The following FRMD5 variants were observed in gnomAD, a reference collection of about 807,000 sequenced individuals.
The protein encoded by FRMD5 is FERM domain-containing protein 5.
FRMD5 carries 20 observed loss-of-function variants against 69.0 expected under a neutral mutation model. That is an observed-to-expected ratio of 0.29 (90% CI 0.20 to 0.42). The LOEUF (loss-of-function observed/expected upper bound fraction) is 0.42. FRMD5 is among the 10% of genes least tolerant of loss of function. The pLI, the probability that FRMD5 is intolerant of heterozygous loss-of-function variation, is 1.00. For synonymous variants in FRMD5, 271 were observed against 260.1 expected, an observed-to-expected ratio of 1.04 and a Z score of -0.40; for missense variants, 595 against 708.6, an observed-to-expected ratio of 0.84 and a Z score of 1.82.
chr15:44,025,879 C>T (rs564621027), intron 1 of FRMD5, among the ~76,000 whole-genome samples: 3 of 152,140 alleles, frequency 2.0e-5, no homozygotes, highest in Admixed American at 6.5e-5. Context: ...AGTTCTGAAA[C>T]CTGATCCAGG....
intron 1 of FRMD5, among the ~76,000 whole-genome samples, chr15:44,127,420 G>C (rs1276189786): frequency 6.6e-6 from 1 of 152,122 alleles, no homozygotes; most frequent in Non-Finnish European, 1.5e-5. Flanking sequence ...TGTGAAGGTA[G>C]TAAGAGACTT....
chr15:43,962,964 C>T (rs893158094), intron 1 of FRMD5, among the ~76,000 whole-genome samples: 3 of 152,290 alleles, frequency 2.0e-5, no homozygotes, highest in South Asian at 2.1e-4. Flanking sequence ...TAGAAGAAAA[C>T]GTAGGCAATA....
At chr15:43,895,997 C>G (rs1274433100) in intron 7 of FRMD5, among the ~76,000 whole-genome samples, 1 of 152,186 alleles carries the variant, frequency 6.6e-6, no homozygotes, top group Non-Finnish European at 1.5e-5. Flanking sequence ...AGTGAAGAGT[C>G]AACAGTCACC....
chr15:43,907,832 G>A (rs1355787233), intron 5 of FRMD5, among the ~76,000 whole-genome samples: 1 of 151,994 alleles, frequency 6.6e-6, no homozygotes, highest in African/African-American at 2.4e-5. Context: ...TGTAGAGATG[G>A]GGTTTCACTC....
intron 1 of FRMD5, among the ~76,000 whole-genome samples, chr15:44,015,357 G>A (rs1459549988): frequency 2.0e-5 from 3 of 151,988 alleles, no homozygotes; most frequent in African/African-American, 7.3e-5. Context: ...GCCCAGATGG[G>A]TCTCAAACTC....
At chr15:43,960,801 G>GA (rs1252911424) in intron 1 of FRMD5, among the ~76,000 whole-genome samples, 6 of 152,186 alleles carry the variant, frequency 3.9e-5, no homozygotes, top group Non-Finnish European at 8.8e-5. Context: ...ATGAGCAGTA[G>GA]AAAAACAAAT....
At chr15:44,016,839 A>ATTT (rs35670937) in intron 1 of FRMD5, among the ~76,000 whole-genome samples, 4 of 147,434 alleles carry the variant, frequency 2.7e-5, no homozygotes, top group Admixed American at 6.8e-5. Context: ...AGTTCACATA[A>ATTT]TTTTTTTTTT....
At chr15:44,155,555 T>A (rs1371428361) in intron 1 of FRMD5, among the ~76,000 whole-genome samples, 1 of 152,196 alleles carries the variant, frequency 6.6e-6, no homozygotes, top group Non-Finnish European at 1.5e-5. Flanking sequence ...AAAAAAGGGT[T>A]GAATTCTTTT....
chr15:43,884,141 A>T (rs2088604860), intron 12 of FRMD5, among the ~76,000 whole-genome samples: 1 of 152,146 alleles, frequency 6.6e-6, no homozygotes, highest in Admixed American at 6.5e-5. Context: ...GCCTGGACCA[A>T]TACTGGCAGC....
intron 1 of FRMD5, among the ~76,000 whole-genome samples, chr15:43,974,115 A>T (rs1235129962): frequency 6.6e-6 from 1 of 152,022 alleles, no homozygotes; most frequent in African/African-American, 2.4e-5. Flanking sequence ...CAGAGTGCTA[A>T]GTGGAACAGT....
At chr15:44,059,587 T>A (rs1334487143) in intron 1 of FRMD5, among the ~76,000 whole-genome samples, 1 of 152,124 alleles carries the variant, frequency 6.6e-6, no homozygotes, top group Non-Finnish European at 1.5e-5. Flanking sequence ...TCTTGGCTCA[T>A]TGCAACCTCT....
intron 1 of FRMD5, among the ~76,000 whole-genome samples, chr15:44,167,961 G>A (rs964328501): frequency 1.3e-5 from 2 of 152,124 alleles, no homozygotes; most frequent in African/African-American, 2.4e-5. Flanking sequence ...GCAGAACATC[G>A]CTCCTATTTG....
At chr15:43,903,058 C>T (rs541881360) in intron 6 of FRMD5, among the ~76,000 whole-genome samples, 64 of 152,348 alleles carry the variant, frequency 4.2e-4, no homozygotes, top group African/African-American at 1.5e-3. Context: ...AGATCAGCTC[C>T]GGCTCCAGGC....
intron 1 of FRMD5, among the ~76,000 whole-genome samples, chr15:43,978,532 G>C (rs961107963): frequency 6.6e-6 from 1 of 152,122 alleles, no homozygotes; most frequent in Admixed American, 6.5e-5. Flanking sequence ...TGATTAAGAC[G>C]TACATTTGGT....
chr15:44,162,867 C>CAA lies in FRMD5; in HGVS notation c.102+32084_102+32085dup, dbSNP rs371915126. On this transcript the variant is annotated intron_variant, in intron 1 of 13. Transcript: ENST00000417257. ...GGGCAACGAGAGCGAAACTCCGTCTCAAAAAAAAAAAAAAAAAAAAAACAA... is the reference window on the plus strand; with the variant it reads ...GGGCAACGAGAGCGAAACTCCGTCTCAAAAAAAAAAAAAAAAAAAAAAAACAA... 4.1e-3 allele frequency among the ~76,000 whole-genome samples: 150 copies of CAA among 36,930 alleles called. 2 individuals are homozygous for CAA. The highest frequency in any genetic ancestry group is 9.2e-3 in the African/African-American group (91 of 9,850). 24.2% of individuals were successfully genotyped at this position (36,930 alleles called of 152,430 possible). A position where few individuals can be genotyped will look rare whatever the true frequency, so the allele number is the denominator to read the frequency against.
At position 44,165,193 on chromosome 15, in the gene FRMD5, C is replaced by A. The variant is rs372511249; in HGVS notation, c.102+29760G>T. 1.2e-4 allele frequency among the ~76,000 whole-genome samples: 19 copies of A among 152,088 alleles called. No homozygotes were observed. In the South Asian group the frequency reaches 2.1e-3, roughly 17 times the overall value. On this transcript the variant is annotated intron_variant, in intron 1 of 13. Coordinates refer to ENST00000417257, the MANE Select transcript of FRMD5 (RefSeq NM_032892.5). ...CAGCACTTTGGGAGGCCAAGGCAGG[C>A]GGATCACCTGAGGTCAGGAGTTCGA...
At position 43,892,025 on chromosome 15, in the gene FRMD5, C is replaced by A; in HGVS notation, c.684G>T (p.Gly228=). Residue 228 remains glycine (G), a synonymous_variant, in exon 8 of 14, where the codon GGG becomes GGT. Coordinates refer to ENST00000417257, the MANE Select transcript of FRMD5 (RefSeq NM_032892.5). ...NAAFLAFTPF[G]FVVLQGNKRV... is the part of the protein sequence containing the mutation. ...TCTTGTTTCCTTGAAGAACAACAAA[C>A]CCAAAAGGAGTGAAGGCCAGAAATG... is the stretch of plus-strand genomic sequence containing the variant. 1 of 1,614,166 alleles carries A rather than the reference C, an allele frequency of 6.2e-7. No homozygotes were observed. Among genetic ancestry groups the A allele is most frequent in the South Asian group, 1.1e-5 (1 of 91,088 alleles).
At chr15:43,928,926 T>C (rs1398039632) in intron 1 of FRMD5, among the ~76,000 whole-genome samples, 1 of 152,258 alleles carries the variant, frequency 6.6e-6, no homozygotes, top group Non-Finnish European at 1.5e-5. Flanking sequence ...CAGCTACTTC[T>C]GAGGTTATTC....
intron 4 of FRMD5, among the ~76,000 whole-genome samples, chr15:43,910,667 T>C (rs1232265087): frequency 6.6e-6 from 1 of 151,558 alleles, no homozygotes; most frequent in Admixed American, 6.6e-5. Context: ...AGCACCTCTT[T>C]AAATACAGAA....
Sources: gnomAD v4.1 joint callset for allele counts (sites outside exome capture counted in the v4.1 genomes callset) on GRCh38, gnomAD v4.1.1 for gene constraint, MANE v1.5 for transcripts, NCBI Gene and HGNC (gene_info 2026-07-23, HGNC 2026-07-21) for gene names.